The following SLC25A26 variants were observed in gnomAD, a reference collection of about 807,000 sequenced individuals.
The protein encoded by SLC25A26 is solute carrier family 25 member 26.
In SLC25A26, 36 loss-of-function variants were observed where a neutral mutation model predicts 37.8. That is an observed-to-expected ratio of 0.95 (90% CI 0.73 to 1.26). The LOEUF (loss-of-function observed/expected upper bound fraction) is 1.26, where lower values mean the gene tolerates loss of function less well. Ranked by LOEUF, SLC25A26 falls within the 50% of genes most tolerant of loss-of-function variation. The pLI is 0.00. For synonymous variants in SLC25A26, 129 were observed against 122.5 expected, an observed-to-expected ratio of 1.05 and a Z score of -0.35; for missense variants, 390 against 331.1, an observed-to-expected ratio of 1.18 and a Z score of -1.38.
At position 66,295,126 on chromosome 3, in the gene SLC25A26, A is replaced by G. The variant is rs945174370; in HGVS notation, c.453+31747A>G. Among the ~76,000 whole-genome samples, 28 of 152,132 alleles carry G rather than the reference A, an allele frequency of 1.8e-4. No homozygotes were observed. In the East Asian group the frequency reaches 5.0e-3, roughly 27 times the overall value. On this transcript the variant is annotated intron_variant, in intron 5 of 9. Coordinates refer to ENST00000354883, the MANE Select transcript of SLC25A26 (RefSeq NM_001379210.1). ...TACAACCTATTTTGTAACTCAGAGG[A>G]TGTTAAACAGGCATCACTCATGTTT... is the stretch of plus-strand genomic sequence containing the variant.
chr3:66,352,421 G>GTTTTTTTTTTTTTTTTTTTTTTTTT (rs1379958045), intron 6 of SLC25A26, among the ~76,000 whole-genome samples: 1 of 126,560 alleles, frequency 7.9e-6, no homozygotes, highest in African/African-American at 3.7e-5. Context: ...GCCTCCCCTC[G>GTTTTTTTTTTTTTTTTTTTTTTTTT]TTTTTTGTTT....
chr3:66,295,736 G>C (rs1437715449), intron 5 of SLC25A26, among the ~76,000 whole-genome samples: 1 of 151,500 alleles, frequency 6.6e-6, no homozygotes, highest in Non-Finnish European at 1.5e-5. Context: ...CTGACCTCGT[G>C]ATCCGCCTGC....
intron 5 of SLC25A26, among the ~76,000 whole-genome samples, chr3:66,333,065 T>C (rs2076014373): frequency 6.6e-6 from 1 of 152,200 alleles, no homozygotes; most frequent in Admixed American, 6.5e-5. Flanking sequence ...GCCTCTGATT[T>C]TTTTTTCCTG....
At chr3:66,373,130 C>G (rs1700443621) in intron 9 of SLC25A26, among the ~76,000 whole-genome samples, 1 of 152,194 alleles carries the variant, frequency 6.6e-6, no homozygotes, top group Non-Finnish European at 1.5e-5. Context: ...CGGATGGCCC[C>G]TTTCTGGTTT....
intron 1 of SLC25A26, among the ~76,000 whole-genome samples, chr3:66,150,638 A>G (rs1383652403): frequency 5.6e-5 from 5 of 89,306 alleles, no homozygotes; most frequent in Non-Finnish European, 1.1e-4. Context: ...ATATATATAT[A>G]TATATATATA....
intron 2 of SLC25A26, among the ~76,000 whole-genome samples, chr3:66,238,531 C>T (rs1046018522): frequency 1.3e-5 from 2 of 152,014 alleles, no homozygotes; most frequent in African/African-American, 2.4e-5. Context: ...TACAGGCACA[C>T]GCCACCACAC....
chr3:66,319,885 C>G (rs1376922786), intron 5 of SLC25A26, among the ~76,000 whole-genome samples: 1 of 150,238 alleles, frequency 6.7e-6, no homozygotes, highest in Non-Finnish European at 1.5e-5. Context: ...TCCTGAGTAG[C>G]TGGGATTACA....
chr3:66,376,782 G>T (rs549304218), intron 9 of SLC25A26, among the ~76,000 whole-genome samples: 1 of 152,152 alleles, frequency 6.6e-6, no homozygotes, highest in Non-Finnish European at 1.5e-5. Context: ...TTATGGAAGC[G>T]TGGGCCAGGA....
intron 7 of SLC25A26, among the ~76,000 whole-genome samples, chr3:66,365,472 C>T (rs774361067): frequency 5.3e-5 from 8 of 152,098 alleles, no homozygotes; most frequent in South Asian, 4.1e-4. Context: ...TTCCTTGCTT[C>T]GAGTTAACTT....
At chr3:66,275,613 T>G (rs1490115456) in intron 5 of SLC25A26, among the ~76,000 whole-genome samples, 1 of 152,046 alleles carries the variant, frequency 6.6e-6, no homozygotes, top group Non-Finnish European at 1.5e-5. Flanking sequence ...GGTATTAAGA[T>G]CTCCAGATAC....
chr3:66,192,041 G>C (rs2070952387), intron 1 of SLC25A26, among the ~76,000 whole-genome samples: 1 of 151,650 alleles, frequency 6.6e-6, no homozygotes, highest in African/African-American at 2.4e-5. Context: ...AATAGGCCAG[G>C]TGCAATGGCT....
chr3:66,287,694 C>T (rs762253179), intron 5 of SLC25A26, among the ~76,000 whole-genome samples: 1 of 152,138 alleles, frequency 6.6e-6, no homozygotes, highest in African/African-American at 2.4e-5. Flanking sequence ...TATCCAAGCA[C>T]GAAGGATCTT....
intron 1 of SLC25A26, among the ~76,000 whole-genome samples, chr3:66,150,982 C>G (rs142877645): frequency 3.3e-5 from 5 of 151,864 alleles, no homozygotes; most frequent in African/African-American, 1.2e-4. Context: ...TAGCACTGTG[C>G]TATGTACTTA....
intron 1 of SLC25A26, among the ~76,000 whole-genome samples, chr3:66,172,602 A>G (rs564007629): frequency 2.0e-5 from 3 of 152,138 alleles, no homozygotes; most frequent in African/African-American, 7.2e-5. Context: ...GGTTTAAACA[A>G]CAGAAATATA....
intron 1 of SLC25A26, among the ~76,000 whole-genome samples, chr3:66,184,594 T>TTGAGTTTACTATGTATTACATGCTCACCA (rs2070784094): frequency 6.6e-6 from 1 of 152,292 alleles, no homozygotes; most frequent in Non-Finnish European, 1.5e-5. Flanking sequence ...TCTGCTCACC[T>TTGAGTTTACTATGTATTACATGCTCACCA]TGAGTTTACT....
At chr3:66,286,417 G>A (rs2074514684) in intron 5 of SLC25A26, among the ~76,000 whole-genome samples, 1 of 151,920 alleles carries the variant, frequency 6.6e-6, no homozygotes, top group Non-Finnish European at 1.5e-5. Flanking sequence ...ATATATAGAT[G>A]TCTAGTTATT....
At chr3:66,182,347 T>C (rs1343540108) in intron 1 of SLC25A26, among the ~76,000 whole-genome samples, 1 of 152,180 alleles carries the variant, frequency 6.6e-6, no homozygotes, top group Non-Finnish European at 1.5e-5. Context: ...TAGTACAAAC[T>C]ATAGAAATTA....
In SLC25A26 at chr3:66,203,916, A is replaced by G. The variant is rs998104890; in HGVS notation, c.-353-16826A>G. Among the ~76,000 whole-genome samples the G allele has an allele frequency of 3.2e-3, 493 of 152,276 alleles. 3 individuals are homozygous for G. The highest frequency in any genetic ancestry group is 0.015 in the East Asian group (80 of 5,176). ...GAGCCTCACAATGGCAGAGAATGAA[A>G]TTATCTTTGTATTCCCTATTCCAAA... On this transcript the variant is annotated intron_variant, in intron 1 of 10. Transcript: ENST00000676754.
At chr3:66,174,458 C>T (rs1301436226) in intron 1 of SLC25A26, among the ~76,000 whole-genome samples, 1 of 152,080 alleles carries the variant, frequency 6.6e-6, no homozygotes, top group Non-Finnish European at 1.5e-5. Flanking sequence ...TAAATGAAGG[C>T]CAAAATGAAA....
Sources: gnomAD v4.1 joint callset for allele counts (sites outside exome capture counted in the v4.1 genomes callset) on GRCh38, gnomAD v4.1.1 for gene constraint, MANE v1.5 for transcripts, NCBI Gene and HGNC (gene_info 2026-07-23, HGNC 2026-07-21) for gene names.